Variants in MLEC observed in about 807,000 individuals in gnomAD.
MLEC encodes the protein malectin.
MLEC carries 7 observed loss-of-function variants against 28.7 expected under a neutral mutation model. The ratio of observed to expected loss-of-function variants is 0.24; its 90% confidence interval spans 0.14 to 0.46. MLEC has a LOEUF of 0.46. Among genes scored for constraint, MLEC ranks in the 20% least tolerant of loss-of-function variants. The pLI, the probability that MLEC is intolerant of heterozygous loss-of-function variation, is 0.99. For missense variants in MLEC, 237 were observed against 391.1 expected, an observed-to-expected ratio of 0.61 and a Z score of 3.32; for synonymous variants, 142 against 164.4, an observed-to-expected ratio of 0.86 and a Z score of 1.04.
chr12:120,689,687 C>CT (rs1780937427), intron 1 of MLEC, among the ~76,000 whole-genome samples: 1 of 152,214 alleles, frequency 6.6e-6, no homozygotes, highest in South Asian at 2.1e-4. Flanking sequence ...TCTTCTGGGC[C>CT]TGTTTGGATA....
chr12:120,694,202 A>G lies in MLEC; in HGVS notation c.347A>G (p.Lys116Arg), dbSNP rs754165088. The G allele has an allele frequency of 1.2e-6, 2 of 1,614,182 alleles. No individual in the cohort carries two copies. The highest frequency in any genetic ancestry group is 1.7e-6 in the Non-Finnish European group (2 of 1,180,032). ...ACCTTTGGCTACGAAGTGCCCATCAAAGAGGAGGGGGACTACGTGCTGGTC... is the reference window on the plus strand; with the variant it reads ...ACCTTTGGCTACGAAGTGCCCATCAGAGAGGAGGGGGACTACGTGCTGGTC... ...EETFGYEVPI[K>R]EEGDYVLVLK... The change falls in exon 2 of 5, where the codon AAA (lysine) becomes AGA (arginine). Residue 116 changes from lysine (K) to arginine (R), a missense_variant. By Grantham distance (26) the Lys-to-Arg change is conservative. Transcript: ENST00000228506. This position sits in a 1 kb window ranked among gnomAD's most constrained non-coding sequence, Gnocchi z 4.5.
At position 120,695,008 on chromosome 12, in the gene MLEC, C is replaced by G. The variant is rs1592918254; in HGVS notation, c.591+8C>G. On this transcript the variant is annotated splice_region_variant and intron_variant, in intron 3 of 4. Coordinates refer to ENST00000228506, the MANE Select transcript of MLEC (RefSeq NM_014730.4). ...TACATTGAGTTTGTCAAGGTAATTC[C>G]CCTATTCTGCCCATTGCTGAAGAGA... 6.2e-7 allele frequency: 1 copy of G among 1,614,046 alleles called. No homozygotes were observed. Among genetic ancestry groups the G allele is most frequent in the Non-Finnish European group, 8.5e-7 (1 of 1,179,986 alleles).
At chr12:120,693,074 T>C (rs1246441195) in intron 1 of MLEC, among the ~76,000 whole-genome samples, 4 of 152,108 alleles carry the variant, frequency 2.6e-5, no homozygotes, top group Admixed American at 6.5e-5. Context: ...TACACCAAGG[T>C]TGGGAGAGGG....
At chr12:120,691,421 G>GT (rs1290962788) in intron 1 of MLEC, among the ~76,000 whole-genome samples, 1 of 152,248 alleles carries the variant, frequency 6.6e-6, no homozygotes, top group Non-Finnish European at 1.5e-5. Context: ...GACACTTCGT[G>GT]TATGTCTTTT....
At position 120,694,748 on chromosome 12, in the gene MLEC, C is replaced by A. The variant is rs903976120; in HGVS notation, c.415-76C>A. ...TATTTTTGAACTTCAAGCCCAAACA[C>A]GTGCATGATGTCCAACTGCTTGAAA... On this transcript the variant is annotated intron_variant, in intron 2 of 4. Transcript: ENST00000228506. The surrounding 1 kb of genome is among the most constrained non-coding windows in gnomAD (Gnocchi z 4.5). 2 of 1,373,780 alleles carry A rather than the reference C, an allele frequency of 1.5e-6. No homozygotes were observed. The highest frequency in any genetic ancestry group is 1.4e-5 in the South Asian group (1 of 73,248). 85.1% of individuals were successfully genotyped at this position (1,373,780 alleles called of 1,614,324 possible).
chr12:120,687,482 G>C lies in MLEC; in HGVS notation c.186G>C (p.Val62=). The C allele has an allele frequency of 6.9e-7, 1 of 1,446,834 alleles. No individual in the cohort carries two copies. Among genetic ancestry groups the C allele is most frequent in the Non-Finnish European group, 9.1e-7 (1 of 1,099,600 alleles). The allele number at this position is 1,446,834 out of a possible 1,614,324, so 89.6% of individuals were successfully genotyped here. A position where few individuals can be genotyped will look rare whatever the true frequency, so the allele number is the denominator to read the frequency against. Residue 62 remains valine, a synonymous_variant, in exon 1 of 5, where the codon GTG becomes GTC. Transcript: ENST00000228506. This position sits in a 1 kb window ranked among gnomAD's most constrained non-coding sequence, Gnocchi z 8.1. ...VNAGGEAHVD[V]HGIHFRKDPL... Reference sequence around the variant, plus strand: ...CGGGTGGAGAGGCGCATGTGGACGTGCACGGGATCCACTTCCGCAAGGACC... The same window carrying C: ...CGGGTGGAGAGGCGCATGTGGACGTCCACGGGATCCACTTCCGCAAGGACC...
rs1254237625 is a variant in MLEC, at chr12:120,696,091, T to C, written c.650-225T>C. Reference sequence around the variant, plus strand: ...AAAGTAGAACAGGAAGGTAAGATAGTGAACCTCCCTATGAGCACGGCTTTT... The same window carrying C: ...AAAGTAGAACAGGAAGGTAAGATAGCGAACCTCCCTATGAGCACGGCTTTT... On this transcript the variant is annotated intron_variant, in intron 4 of 4. Coordinates refer to ENST00000228506, the MANE Select transcript of MLEC (RefSeq NM_014730.4). The surrounding 1 kb of genome is among the most constrained non-coding windows in gnomAD (Gnocchi z 5.4). Among the ~76,000 whole-genome samples, 1 of 152,218 alleles carries C rather than the reference T, an allele frequency of 6.6e-6. No individual in the cohort carries two copies. Among genetic ancestry groups the C allele is most frequent in the Non-Finnish European group, 1.5e-5 (1 of 68,042 alleles).
At chr12:120,688,040 C>G (rs183162267) in intron 1 of MLEC, among the ~76,000 whole-genome samples, 57 of 152,326 alleles carry the variant, frequency 3.7e-4, no homozygotes, top group African/African-American at 1.3e-3. Flanking sequence ...CCCCCGCCCT[C>G]TTTTCGAGCG....
intron 1 of MLEC, among the ~76,000 whole-genome samples, chr12:120,692,184 AAAAC>A (rs1416208386): frequency 3.3e-5 from 5 of 152,166 alleles, no homozygotes; most frequent in Non-Finnish European, 7.4e-5. Context: ...CAAAAACAAA[AAAAC>A]AATTCCCCAC....
Position 120,687,266 on chromosome 12 carries a change from G to T in MLEC, c.-31G>T, listed in dbSNP as rs945635082. Reference sequence around the variant, plus strand: ...TGGCAGCCGGCCGAGGACGAGGGTCGGCGGGGGCTGCCCCCGTGGTGGTGG... The same window carrying T: ...TGGCAGCCGGCCGAGGACGAGGGTCTGCGGGGGCTGCCCCCGTGGTGGTGG... On this transcript the variant is annotated 5_prime_UTR_variant, in exon 1 of 5. Coordinates refer to ENST00000228506, the MANE Select transcript of MLEC (RefSeq NM_014730.4). The surrounding 1 kb of genome is among the most constrained non-coding windows in gnomAD (Gnocchi z 8.1). The T allele has an allele frequency of 1.5e-6, 2 of 1,359,836 alleles. No individual in the cohort carries two copies. Among genetic ancestry groups the T allele is most frequent in the African/African-American group, 1.5e-5 (1 of 65,000 alleles). 84.2% of individuals were successfully genotyped at this position (1,359,836 alleles called of 1,614,324 possible).
rs1189045217 is a variant in MLEC, at chr12:120,696,725, G to A, written c.*180G>A. On this transcript the variant is annotated 3_prime_UTR_variant, in exon 5 of 5. Transcript: ENST00000228506. The surrounding 1 kb of genome is among the most constrained non-coding windows in gnomAD (Gnocchi z 5.4). ...AGAGAGCAGCCCTCATTCACCACCT[G>A]GTCCCAGACGTGCTTCAGTCCTCGT... 5 of 834,138 alleles carry A rather than the reference G, an allele frequency of 6.0e-6. No individual in the cohort carries two copies. In the East Asian group the frequency reaches 1.1e-4, roughly 18 times the overall value. The allele number at this position is 834,138 out of a possible 1,614,324, so 51.7% of individuals were successfully genotyped here. A position where few individuals can be genotyped will look rare whatever the true frequency, so the allele number is the denominator to read the frequency against.
rs139995688 is a variant in MLEC at position 120,694,904 on chromosome 12, C to T, written c.495C>T (p.His165=). 7 of 1,614,024 alleles carry T rather than the reference C, an allele frequency of 4.3e-6. No individual in the cohort carries two copies. Among genetic ancestry groups the T allele is most frequent in the African/African-American group, 2.7e-5 (2 of 74,908 alleles). The part of the protein sequence containing the change: ...IFDRVGHSTA[H]DEIIPMSIRK... ...ATCGTGTTGGGCATAGCACAGCTCA[C>T]GATGAAATTATACCTATGAGCATCA... The change falls in exon 3 of 5, where the codon CAC becomes CAT. Residue 165 remains histidine, a synonymous_variant. Coordinates refer to ENST00000228506, the MANE Select transcript of MLEC (RefSeq NM_014730.4). The surrounding 1 kb of genome is among the most constrained non-coding windows in gnomAD (Gnocchi z 4.5).
chr12:120,690,283 T>C (rs994546003), intron 1 of MLEC, among the ~76,000 whole-genome samples: 8 of 152,218 alleles, frequency 5.3e-5, no homozygotes, highest in African/African-American at 1.7e-4. Flanking sequence ...ACTGCTGGGA[T>C]TACAGGCATG....
Position 120,696,706 on chromosome 12 carries a change from C to A in MLEC, c.*161C>A, listed in dbSNP as rs1882255368. ...AAAAAGAGGCAGAGCGAGTAGAGAG[C>A]AGCCCTCATTCACCACCTGGTCCCA... On this transcript the variant is annotated 3_prime_UTR_variant, in exon 5 of 5. Transcript: ENST00000228506. This position sits in a 1 kb window ranked among gnomAD's most constrained non-coding sequence, Gnocchi z 5.4. 2 of 1,069,916 alleles carry A rather than the reference C, an allele frequency of 1.9e-6. No homozygotes were observed. The highest frequency in any genetic ancestry group is 1.3e-6 in the Non-Finnish European group (1 of 759,662). 66.3% of individuals were successfully genotyped at this position (1,069,916 alleles called of 1,614,324 possible).
intron 4 of MLEC, 99 bp downstream of exon 4, chr12:120,695,251 T>A: frequency 7.7e-7 from 1 of 1,294,364 alleles, no homozygotes; most frequent in East Asian, 2.3e-5. Flanking sequence ...TTGGAAACAC[T>A]TAAAGCTAAA....
In MLEC at chr12:120,687,828, C is replaced by T. The variant is rs1881888178; in HGVS notation, c.235+297C>T. ...CTGGGAGAGAAATGACGAAGGCGGC[C>T]TTTTGCTACCTCCAGGCCTCGCGGG... On this transcript the variant is annotated intron_variant, in intron 1 of 4. Transcript: ENST00000228506. The surrounding 1 kb of genome is among the most constrained non-coding windows in gnomAD (Gnocchi z 8.1). Among the ~76,000 whole-genome samples, 1 of 152,196 alleles carries T rather than the reference C, an allele frequency of 6.6e-6. No individual in the cohort carries two copies. The highest frequency in any genetic ancestry group is 1.5e-5 in the Non-Finnish European group (1 of 68,038).
chr12:120,688,123 C>CGTGA (rs1021355081), intron 1 of MLEC, among the ~76,000 whole-genome samples: 1 of 152,176 alleles, frequency 6.6e-6, no homozygotes, highest in African/African-American at 2.4e-5. Flanking sequence ...CCATCCTGCA[C>CGTGA]GTGAGGCTGG....
Position 120,696,549 on chromosome 12 carries a change from C to A in MLEC, c.*4C>A, listed in dbSNP as rs377205307. 10 of 1,614,090 alleles carry A rather than the reference C, an allele frequency of 6.2e-6. No homozygotes were observed. The highest frequency in any genetic ancestry group is 8.5e-6 in the Non-Finnish European group (10 of 1,180,026). ...CTTCTGCCTCTGCCGGTTGTGAGAA[C>A]AAATGACTATCCTGAACAGGGTGGA... On this transcript the variant is annotated 3_prime_UTR_variant, in exon 5 of 5. Transcript: ENST00000228506. This position sits in a 1 kb window ranked among gnomAD's most constrained non-coding sequence, Gnocchi z 5.4.
At chr12:120,695,196 T>G in intron 4 of MLEC, 44 bp downstream of exon 4, 2 of 1,602,450 alleles carry the variant, frequency 1.2e-6, no homozygotes, top group Non-Finnish European at 1.7e-6. Context: ...AGTGGAGGGA[T>G]ATGGTTGAGG....
Sources: gnomAD v4.1 joint callset for allele counts (sites outside exome capture counted in the v4.1 genomes callset) on GRCh38, gnomAD v4.1.1 for gene constraint, Gnocchi (gnomAD v3.1) non-coding constraint, MANE v1.5 for transcripts, NCBI Gene and HGNC (gene_info 2026-07-23, HGNC 2026-07-21) for gene names.